CKAP5: variants seen among roughly 807,000 people sequenced by gnomAD.
CKAP5 encodes cytoskeleton associated protein 5, also known as cytoskeleton-associated protein 5.
In CKAP5, 27 loss-of-function variants were observed where a neutral mutation model predicts 232.8. The ratio of observed to expected loss-of-function variants is 0.12; its 90% confidence interval spans 0.09 to 0.16. CKAP5 has a LOEUF of 0.16. Among genes scored for constraint, CKAP5 ranks in the 10% least tolerant of loss-of-function variants. The pLI is 1.00. For synonymous variants in CKAP5, 785 were observed against 841.1 expected (o/e 0.93, Z 1.16); for missense variants, 1,838 against 2,424.7 (o/e 0.76, Z 5.08).
chr11:46,805,953 A>G (rs772851822), intron 8 of CKAP5, among the ~76,000 whole-genome samples: 1 of 152,262 alleles, frequency 6.6e-6, no homozygotes, highest in Non-Finnish European at 1.5e-5. Context: ...AGAAAATAAA[A>G]AAAATAAAAT....
intron 42 of CKAP5, among the ~76,000 whole-genome samples, chr11:46,747,601 C>CAAAA (rs560103390): frequency 1.6e-5 from 1 of 62,278 alleles, no homozygotes; most frequent in African/African-American, 6.1e-5. Context: ...GACTTCATCT[C>CAAAA]AAAAAAAAAA....
chr11:46,817,125 A>C (rs79868615), intron 3 of CKAP5, among the ~76,000 whole-genome samples: 1 of 151,702 alleles, frequency 6.6e-6, no homozygotes, highest in Non-Finnish European at 1.5e-5. Flanking sequence ...AAAAAAAAAA[A>C]AAGAGAGAGA....
intron 16 of CKAP5, among the ~76,000 whole-genome samples, chr11:46,785,126 G>A (rs929800806): frequency 6.6e-6 from 1 of 152,152 alleles, no homozygotes; most frequent in South Asian, 2.1e-4. Flanking sequence ...AGATTTTAGA[G>A]AACTTGTTGG....
chr11:46,831,563 C>T (rs1939793878), intron 1 of CKAP5, among the ~76,000 whole-genome samples: 2 of 152,238 alleles, frequency 1.3e-5, no homozygotes, highest in South Asian at 2.1e-4. Context: ...GGGTATTGCT[C>T]CATTGCCCAG....
At chr11:46,752,219 C>CACACACAT (rs61518519) in intron 38 of CKAP5, among the ~76,000 whole-genome samples, 1,467 of 85,662 alleles carry the variant, frequency 0.017, 44 homozygotes, top group East Asian at 0.029. Context: ...CACACACACA[C>CACACACAT]ACACACACAC....
At chr11:46,795,550 C>G in intron 13 of CKAP5, 44 bp downstream of exon 13, 1 of 1,527,624 alleles carries the variant, frequency 6.5e-7, no homozygotes, top group Non-Finnish European at 8.9e-7. Context: ...ACCTGAGACT[C>G]AGACCCTTCC....
chr11:46,801,251 A>C lies in CKAP5; in HGVS notation c.1032T>G (p.Leu344=), dbSNP rs755402794. ...TCCTTAGCCCAACAGCCAGGCCAGTAAGACATTTTGCTGCCAAAGCCACCA... is the reference window on the plus strand; with the variant it reads ...TCCTTAGCCCAACAGCCAGGCCAGTCAGACATTTTGCTGCCAAAGCCACCA... ...VMLVALAAKC[L]TGLAVGLRKK... Residue 344 remains leucine (L), a synonymous_variant, in exon 9 of 44, where the codon CTT becomes CTG. Transcript: ENST00000529230. The C allele has an allele frequency of 6.2e-7, 1 of 1,613,908 alleles. No individual in the cohort carries two copies. The highest frequency in any genetic ancestry group is 1.3e-5 in the African/African-American group (1 of 75,046).
At chr11:46,827,017 C>T (rs981376489) in intron 1 of CKAP5, among the ~76,000 whole-genome samples, 4 of 152,224 alleles carry the variant, frequency 2.6e-5, no homozygotes, top group Non-Finnish European at 5.9e-5. Flanking sequence ...GGCGCTGCTT[C>T]TAGGTCCTAG....
chr11:46,824,202 T>C (rs1337517315), intron 1 of CKAP5, among the ~76,000 whole-genome samples: 1 of 152,206 alleles, frequency 6.6e-6, no homozygotes, highest in Non-Finnish European at 1.5e-5. Flanking sequence ...CAGAGAAAGA[T>C]GGAATTGTAA....
intron 1 of CKAP5, among the ~76,000 whole-genome samples, chr11:46,825,415 C>G (rs1939629971): frequency 6.6e-6 from 1 of 152,100 alleles, no homozygotes; most frequent in Admixed American, 6.5e-5. Context: ...AACCCATGGG[C>G]CCAAGTGTGG....
intron 31 of CKAP5, 177 bp downstream of exon 31, chr11:46,762,450 G>C (rs2065163306): frequency 2.2e-6 from 2 of 908,824 alleles, no homozygotes; most frequent in Non-Finnish European, 3.7e-6. Flanking sequence ...AGTGGTGCCT[G>C]TATCACCTGA....
chr11:46,822,401 G>C (rs1188199637), intron 1 of CKAP5, among the ~76,000 whole-genome samples: 2 of 152,078 alleles, frequency 1.3e-5, no homozygotes, highest in Non-Finnish European at 2.9e-5. Flanking sequence ...CCTTTTAAAA[G>C]GCCAAGAAAA....
chr11:46,766,643 C>G (rs1219630774), intron 27 of CKAP5, among the ~76,000 whole-genome samples: 1 of 150,414 alleles, frequency 6.6e-6, no homozygotes, highest in Non-Finnish European at 1.5e-5. Flanking sequence ...GATTCATTAC[C>G]CATTGCACAG....
chr11:46,824,365 T>C (rs1374013193), intron 1 of CKAP5, among the ~76,000 whole-genome samples: 1 of 152,184 alleles, frequency 6.6e-6, no homozygotes, highest in Non-Finnish European at 1.5e-5. Context: ...TTTAACAGTC[T>C]GGAAAACAGT....
intron 13 of CKAP5, among the ~76,000 whole-genome samples, chr11:46,792,120 G>A (rs1219812121): frequency 6.6e-6 from 1 of 152,124 alleles, no homozygotes; most frequent in Non-Finnish European, 1.5e-5. Flanking sequence ...GGAAAATTCT[G>A]TACTCTTTGA....
intron 1 of CKAP5, 26 bp from the exon 2 acceptor site, chr11:46,821,294 C>G: frequency 1.8e-6 from 2 of 1,126,822 alleles, no homozygotes; most frequent in Non-Finnish European, 1.3e-6. Context: ...TAGAAACCTG[C>G]TTAGCAACCA....
At chr11:46,749,450 G>A (rs1025772520) in intron 42 of CKAP5, among the ~76,000 whole-genome samples, 5 of 115,050 alleles carry the variant, frequency 4.3e-5, no homozygotes, top group African/African-American at 1.5e-4. Flanking sequence ...GTGAGACTCC[G>A]TCTCAAGAAA....
At chr11:46,773,651 T>G (rs1178768736) in intron 24 of CKAP5, among the ~76,000 whole-genome samples, 3 of 151,948 alleles carry the variant, frequency 2.0e-5, no homozygotes, top group Non-Finnish European at 4.4e-5. Context: ...CAAGCGATTC[T>G]CCTGCCTCAG....
chr11:46,787,022 G>A (rs2065400240), intron 16 of CKAP5, among the ~76,000 whole-genome samples: 1 of 152,182 alleles, frequency 6.6e-6, no homozygotes, highest in African/African-American at 2.4e-5. Context: ...GCAAGGTGTA[G>A]TGATGCACGC....
Sources: gnomAD v4.1 joint callset for allele counts (sites outside exome capture counted in the v4.1 genomes callset) on GRCh38, gnomAD v4.1.1 for gene constraint, MANE v1.5 for transcripts, NCBI Gene and HGNC (gene_info 2026-07-23, HGNC 2026-07-21) for gene names.